ABCD3: variants seen among roughly 807,000 people sequenced by gnomAD.
ABCD3 encodes ATP-binding cassette sub-family D member 3.
ABCD3 carries 41 observed loss-of-function variants against 105.5 expected under a neutral mutation model. The observed-to-expected ratio is 0.39, with a 90% CI of 0.30 to 0.50. ABCD3 has a LOEUF of 0.50. ABCD3 is among the 20% of genes least tolerant of loss of function. The probability of loss-of-function intolerance (pLI) is 0.84; values close to 1 mark genes in which losing one functional copy is unlikely to be tolerated. For missense variants in ABCD3, 622 were observed against 806.3 expected, an observed-to-expected ratio of 0.77 and a Z score of 2.77; for synonymous variants, 258 against 269.0, an observed-to-expected ratio of 0.96 and a Z score of 0.40.
the ABCD3 span, among the ~76,000 whole-genome samples, chr1:94,390,734 A>G: frequency 2.6e-5 from 4 of 152,126 alleles, no homozygotes; most frequent in African/African-American, 9.7e-5. Flanking sequence ...GATGGCTCTT[A>G]CTCTGTAGGC....
intron 1 of ABCD3, among the ~76,000 whole-genome samples, chr1:94,453,539 C>T (rs1408224195): frequency 1.5e-4 from 23 of 151,880 alleles, no homozygotes; most frequent in African/African-American, 5.3e-4. Context: ...AGGATGGTCT[C>T]GATCTCCTGA....
At chr1:94,508,195 T>C (rs966536808) in intron 21 of ABCD3, among the ~76,000 whole-genome samples, 2,216 of 152,208 alleles carry the variant, frequency 0.015, 20 homozygotes, top group Non-Finnish European at 0.02. Flanking sequence ...GATCCAGTTT[T>C]AGCTTTCTAC....
chr1:94,407,216 T>C, the ABCD3 span, among the ~76,000 whole-genome samples: 3 of 152,286 alleles, frequency 2.0e-5, no homozygotes, highest in Non-Finnish European at 4.4e-5. Context: ...AATGGCCCGA[T>C]CTCAGCTCAC....
intron 21 of ABCD3, among the ~76,000 whole-genome samples, chr1:94,510,621 G>A (rs1224903811): frequency 6.6e-6 from 1 of 152,132 alleles, no homozygotes; most frequent in Non-Finnish European, 1.5e-5. Flanking sequence ...ATGTGTGGGA[G>A]TCTAAGTCTC....
intron 22 of ABCD3, among the ~76,000 whole-genome samples, chr1:94,515,756 C>G (rs1202881590): frequency 6.6e-6 from 1 of 151,896 alleles, no homozygotes; most frequent in Non-Finnish European, 1.5e-5. Flanking sequence ...TTCTTTTCAA[C>G]TCAATGTGAA....
At chr1:94,424,833 T>A (rs1468182145) in intron 1 of ABCD3, among the ~76,000 whole-genome samples, 2 of 152,282 alleles carry the variant, frequency 1.3e-5, no homozygotes, top group Admixed American at 1.3e-4. Flanking sequence ...TGTATATGTT[T>A]GCAGTATATA....
Position 94,474,590 on chromosome 1 carries a change from C to T in ABCD3, c.406-553C>T, listed in dbSNP as rs527883558. On this transcript the variant is annotated intron_variant, in intron 5 of 22. Transcript: ENST00000370214. ...TTTTAAAATAAACAATTGGAATAAGCAACATAGATATCAAAGATTAAGATT... is the reference window on the plus strand; with the variant it reads ...TTTTAAAATAAACAATTGGAATAAGTAACATAGATATCAAAGATTAAGATT... Among the ~76,000 whole-genome samples the T allele has an allele frequency of 7.9e-5, 12 of 152,058 alleles. No individual in the cohort carries two copies. In the South Asian group the frequency reaches 2.5e-3, roughly 32 times the overall value.
chr1:94,432,023 G>A (rs1230667114), intron 1 of ABCD3, among the ~76,000 whole-genome samples: 1 of 152,114 alleles, frequency 6.6e-6, no homozygotes, highest in Non-Finnish European at 1.5e-5. Context: ...ACTGTTACTG[G>A]TTGAATACAT....
Position 94,494,955 on chromosome 1 carries a change from C to T in ABCD3, c.1387-3647C>T, listed in dbSNP as rs771733199. Reference sequence around the variant, plus strand: ...AATTAGCTAGGTGTGGTGGTGCACACCTTTGGTCCTGGTTACGCAGGCGGC... The same window carrying T: ...AATTAGCTAGGTGTGGTGGTGCACATCTTTGGTCCTGGTTACGCAGGCGGC... On this transcript the variant is annotated intron_variant, in intron 16 of 22. Transcript: ENST00000370214. Among the ~76,000 whole-genome samples, 2 of 152,102 alleles carry T rather than the reference C, an allele frequency of 1.3e-5. 1 individual carries two copies. Among genetic ancestry groups the T allele is most frequent in the East Asian group, 3.9e-4 (2 of 5,180 alleles).
intron 1 of ABCD3, chr1:94,419,188 AGTCGGTGAACCCTTTG>A (rs1659154193): frequency 2.9e-6 from 2 of 685,818 alleles, no homozygotes; most frequent in African/African-American, 3.9e-5. Context: ...GAGCCCTTGG[AGTCGGTGAACCCTTTG>A]GTCGGTGAAC....
At chr1:94,505,562 T>A (rs1476648725) in intron 20 of ABCD3, among the ~76,000 whole-genome samples, 1 of 151,976 alleles carries the variant, frequency 6.6e-6, no homozygotes, top group Non-Finnish European at 1.5e-5. Flanking sequence ...GAGAGATGCA[T>A]ATTGCAAGTT....
chr1:94,428,017 T>C (rs1390517465), intron 1 of ABCD3, among the ~76,000 whole-genome samples: 4 of 152,090 alleles, frequency 2.6e-5, no homozygotes, highest in Non-Finnish European at 4.4e-5. Flanking sequence ...CTATTATAAA[T>C]ATTAAGATGG....
chr1:94,414,136 G>A (rs1293290063), upstream of ABCD3, among the ~76,000 whole-genome samples: 1 of 152,088 alleles, frequency 6.6e-6, no homozygotes, highest in African/African-American at 2.4e-5. Flanking sequence ...AGAGAGGTAG[G>A]CAGAGCTTAT....
chr1:94,445,718 A>G (rs1370909743), intron 1 of ABCD3, among the ~76,000 whole-genome samples: 1 of 152,188 alleles, frequency 6.6e-6, no homozygotes, highest in Non-Finnish European at 1.5e-5. Context: ...TCAGTGCTGT[A>G]AAACAGGGAC....
chr1:94,385,680 A>G, the ABCD3 span, among the ~76,000 whole-genome samples: 1 of 152,232 alleles, frequency 6.6e-6, no homozygotes, highest in African/African-American at 2.4e-5. Context: ...CTTCCAAAGA[A>G]CTTTACATTT....
At chr1:94,461,874 A>G (rs1647887471) in intron 2 of ABCD3, among the ~76,000 whole-genome samples, 1 of 152,226 alleles carries the variant, frequency 6.6e-6, no homozygotes, top group African/African-American at 2.4e-5. Flanking sequence ...TACATTTTAC[A>G]TTTTGATAAA....
chr1:94,389,825 A>C, the ABCD3 span, among the ~76,000 whole-genome samples: 5 of 152,198 alleles, frequency 3.3e-5, no homozygotes, highest in Non-Finnish European at 7.3e-5. Context: ...GCTGCAGCGC[A>C]TATGTCTTTC....
intron 1 of ABCD3, 164 bp downstream of exon 1, chr1:94,418,752 C>G (rs1166591034): frequency 8.7e-6 from 6 of 691,814 alleles, no homozygotes; most frequent in Non-Finnish European, 1.2e-5. Flanking sequence ...GTCCGCGAGT[C>G]CCCGCCACGA....
the ABCD3 span, among the ~76,000 whole-genome samples, chr1:94,402,865 C>CATATGTATA: frequency 1.3e-5 from 2 of 151,820 alleles, no homozygotes. Context: ...AGGTTAGTTA[C>CATATGTATA]ATATGTATAC....
Sources: allele counts gnomAD v4.1 joint callset (sites outside exome capture counted in the v4.1 genomes callset), GRCh38; gene constraint gnomAD v4.1.1; transcripts MANE v1.5; gene names NCBI Gene and HGNC (gene_info 2026-07-23, HGNC 2026-07-21).